SOX5: variants seen among roughly 807,000 people sequenced by gnomAD.
The protein encoded by SOX5 is SRY-box transcription factor 5, also known as transcription factor SOX-5.
In SOX5, 9 loss-of-function variants were observed where a neutral mutation model predicts 92.0. The observed-to-expected ratio is 0.10, with a 90% CI of 0.06 to 0.17. The LOEUF (loss-of-function observed/expected upper bound fraction) is 0.17. SOX5 is among the 10% of genes least tolerant of loss of function. The probability of loss-of-function intolerance (pLI) is 1.00; values close to 1 mark genes in which losing one functional copy is unlikely to be tolerated. For missense variants in SOX5, 642 were observed against 944.5 expected (o/e 0.68, Z 4.20); for synonymous variants, 344 against 336.3 (o/e 1.02, Z -0.25).
chr12:24,039,410 G>A (rs1025197650), intron 4 of SOX5, among the ~76,000 whole-genome samples: 6 of 152,104 alleles, frequency 3.9e-5, no homozygotes, highest in African/African-American at 1.4e-4. Context: ...AACATTGATA[G>A]ATAATACTGA....
intron 8 of SOX5, among the ~76,000 whole-genome samples, chr12:23,605,929 AG>A (rs1428035492): frequency 6.6e-6 from 1 of 152,078 alleles, no homozygotes; most frequent in East Asian, 1.9e-4. Flanking sequence ...TTGTCTCATA[AG>A]GGTTTTATGT....
intron 6 of SOX5, among the ~76,000 whole-genome samples, chr12:23,680,691 GGTCA>G (rs2086476704): frequency 6.6e-6 from 1 of 151,902 alleles, no homozygotes; most frequent in East Asian, 1.9e-4. Flanking sequence ...GAGAGGAAAA[GGTCA>G]GTCAATACTC....
chr12:23,890,299 A>C (rs978668042), intron 2 of SOX5, among the ~76,000 whole-genome samples: 3 of 152,016 alleles, frequency 2.0e-5, no homozygotes, highest in Non-Finnish European at 4.4e-5. Flanking sequence ...CAGCCTAGGC[A>C]ACAAGAACGG....
chr12:23,746,358 T>C lies in SOX5; in HGVS notation c.569-5319A>G, dbSNP rs143864313. On this transcript the variant is annotated intron_variant, in intron 4 of 14. Coordinates refer to ENST00000451604, the MANE Select transcript of SOX5 (RefSeq NM_006940.6). ...CCTAGATTCAGGTTTTTAAGAGTCA[T>C]AACTTATATATGTGTGTGTCTATAT... Among the ~76,000 whole-genome samples, 37 of 152,282 alleles carry C rather than the reference T, an allele frequency of 2.4e-4. 1 individual carries two copies. The East Asian group carries it at 6.2e-3, about 25-fold the overall frequency.
chr12:23,964,499 A>G (rs12424756), intron 4 of SOX5, among the ~76,000 whole-genome samples: 16,453 of 152,212 alleles, frequency 0.11, 1,063 homozygotes, highest in East Asian at 0.2. Flanking sequence ...GATACCCACA[A>G]GTATACAGCA....
At chr12:23,668,099 A>C (rs561527360) in intron 6 of SOX5, among the ~76,000 whole-genome samples, 1 of 152,322 alleles carries the variant, frequency 6.6e-6, no homozygotes, top group East Asian at 1.9e-4. Context: ...AGTGTTTATG[A>C]GGCAAGAGGG....
intron 4 of SOX5, among the ~76,000 whole-genome samples, chr12:24,046,008 C>T (rs1956981401): frequency 6.6e-6 from 1 of 152,268 alleles, no homozygotes; most frequent in South Asian, 2.1e-4. Context: ...GCCAGTTGCG[C>T]GGTTTGCCCC....
intron 4 of SOX5, among the ~76,000 whole-genome samples, chr12:23,981,235 A>G (rs1023455493): frequency 3.0e-4 from 45 of 152,206 alleles, no homozygotes; most frequent in African/African-American, 1.1e-3. Flanking sequence ...GGAAGTTCGT[A>G]GCCTTCATTT....
Position 23,534,606 on chromosome 12 carries a change from G to T in SOX5, c.1989-84C>A, listed in dbSNP as rs950727653. 163 of 1,082,530 alleles carry T rather than the reference G, an allele frequency of 1.5e-4. No homozygotes were observed. In the South Asian group the frequency reaches 2.3e-3, roughly 15 times the overall value. The allele number at this position is 1,082,530 out of a possible 1,614,324, so 67.1% of individuals were successfully genotyped here. On this transcript the variant is annotated intron_variant, in intron 14 of 14. Transcript: ENST00000451604. ...CTTTACTACATAATTAATTTGCTCA[G>T]CAATGTCCAATTCTAAGGTACTAAT...
intron 1 of SOX5, among the ~76,000 whole-genome samples, chr12:24,541,955 GACA>G (rs770915072): frequency 1.4e-4 from 21 of 152,098 alleles, no homozygotes; most frequent in Non-Finnish European, 2.5e-4. Context: ...TCAGAATAAG[GACA>G]ACATTTCTTA....
At chr12:23,714,546 G>A (rs886442975) in intron 6 of SOX5, among the ~76,000 whole-genome samples, 3 of 152,056 alleles carry the variant, frequency 2.0e-5, no homozygotes, top group African/African-American at 7.2e-5. Flanking sequence ...GCTTGAACCC[G>A]GGAGGCGGAG....
rs1393665349 is a variant in SOX5 at position 23,531,235 on chromosome 12, T to G, written c.*2984A>C. ...AATGCAGCGGTATGAACTTGCTTTT[T>G]GTTTCGGTTCATGCACAGTTTAGTC... On this transcript the variant is annotated 3_prime_UTR_variant, in exon 15 of 15. Transcript: ENST00000451604. 6.6e-6 allele frequency: 1 copy of G among 152,212 alleles called. No individual in the cohort carries two copies. The highest frequency in any genetic ancestry group is 1.5e-5 in the Non-Finnish European group (1 of 68,030). 9.4% of individuals were successfully genotyped at this position (152,212 alleles called of 1,614,324 possible).
Position 24,365,862 on chromosome 12 carries a change from C to G in SOX5, c.-174+2701G>C, listed in dbSNP as rs568826724. 8.6e-5 allele frequency among the ~76,000 whole-genome samples: 13 copies of G among 151,950 alleles called. No individual in the cohort carries two copies. The South Asian group carries it at 2.7e-3, about 32-fold the overall frequency. ...TTGCCTAGTTTTTTTAATACAAATA[C>G]TAGCAAAGAAGCACCCCCAAGGCTG... On this transcript the variant is annotated intron_variant, in intron 2 of 4. Coordinates refer to the SOX5 transcript ENST00000446891.
intron 4 of SOX5, among the ~76,000 whole-genome samples, chr12:24,120,770 C>G (rs547675355): frequency 2.4e-4 from 36 of 152,296 alleles, no homozygotes; most frequent in Admixed American, 1.1e-3. Flanking sequence ...ATCCAAGGAC[C>G]TGATCTGATC....
intron 2 of SOX5, among the ~76,000 whole-genome samples, chr12:24,303,940 A>G (rs903099939): frequency 3.3e-5 from 5 of 152,222 alleles, no homozygotes; most frequent in African/African-American, 7.2e-5. Flanking sequence ...CAATTGTTCA[A>G]TTATATGTTC....
At chr12:24,114,545 C>T (rs557319640) in intron 4 of SOX5, among the ~76,000 whole-genome samples, 3 of 118,202 alleles carry the variant, frequency 2.5e-5, no homozygotes, top group African/African-American at 1.0e-4. Context: ...CACTGCACTC[C>T]AGCCTGGTGA....
intron 13 of SOX5, among the ~76,000 whole-genome samples, chr12:23,539,327 T>C (rs767985632): frequency 3.1e-4 from 47 of 152,188 alleles, no homozygotes; most frequent in Non-Finnish European, 4.9e-4. Flanking sequence ...CAGAAAGTTA[T>C]AGTTCCTGTC....
chr12:24,267,945 G>T (rs1303358503), intron 3 of SOX5, among the ~76,000 whole-genome samples: 2 of 152,132 alleles, frequency 1.3e-5, no homozygotes, highest in East Asian at 3.9e-4. Context: ...AAGCTGAAAA[G>T]CCATAGCAAA....
At chr12:24,114,939 C>CTAAA (rs59624244) in intron 4 of SOX5, among the ~76,000 whole-genome samples, 118,746 of 151,276 alleles carry the variant, frequency 0.78, 47,162 homozygotes, top group East Asian at 1. Context: ...CTGTCTCTAA[C>CTAAA]TAAATAAAGT....
Sources: allele counts gnomAD v4.1 joint callset (sites outside exome capture counted in the v4.1 genomes callset), GRCh38; gene constraint gnomAD v4.1.1; transcripts MANE v1.5; gene names NCBI Gene and HGNC (gene_info 2026-07-23, HGNC 2026-07-21).